KCNC2: variants seen among roughly 807,000 people sequenced by gnomAD.
KCNC2 encodes voltage-gated potassium channel KCNC2.
A neutral mutation model predicts 44.5 loss-of-function variants in KCNC2; 21 were observed. The observed-to-expected ratio is 0.47, with a 90% CI of 0.33 to 0.68. The LOEUF (loss-of-function observed/expected upper bound fraction) is 0.68. KCNC2 is among the 30% of genes least tolerant of loss of function. The pLI is 0.01. For synonymous variants in KCNC2, 391 were observed against 339.1 expected (o/e 1.15, Z -1.68); for missense variants, 589 against 826.2 (o/e 0.71, Z 3.52).
At chr12:75,190,917 T>A (rs1395904876) in intron 2 of KCNC2, among the ~76,000 whole-genome samples, 2 of 151,958 alleles carry the variant, frequency 1.3e-5, no homozygotes, top group East Asian at 3.9e-4. Flanking sequence ...ATAAACTGAA[T>A]TATCATTTAT....
chr12:75,068,292 G>T (rs1883037236), intron 2 of KCNC2, among the ~76,000 whole-genome samples: 1 of 152,166 alleles, frequency 6.6e-6, no homozygotes, highest in Non-Finnish European at 1.5e-5. Context: ...GACAAAATCG[G>T]TCTATGTTTT....
intron 2 of KCNC2, among the ~76,000 whole-genome samples, chr12:75,193,584 T>C (rs2030498459): frequency 6.6e-6 from 1 of 152,140 alleles, no homozygotes; most frequent in East Asian, 1.9e-4. Flanking sequence ...ATTAGGTATG[T>C]TGGTGTGATA....
At chr12:75,160,682 A>C (rs1891065103) in intron 2 of KCNC2, among the ~76,000 whole-genome samples, 1 of 151,798 alleles carries the variant, frequency 6.6e-6, no homozygotes, top group Non-Finnish European at 1.5e-5. Context: ...TTCTGGTAAC[A>C]ATGTTGTGGA....
At chr12:75,128,260 AC>A (rs1449269786) in intron 2 of KCNC2, among the ~76,000 whole-genome samples, 4 of 152,214 alleles carry the variant, frequency 2.6e-5, no homozygotes, top group African/African-American at 9.6e-5. Flanking sequence ...GGCCAGCCTC[AC>A]ATCCCCATAT....
chr12:75,084,290 T>TAGATGATAGATAGATA (rs200893949), intron 2 of KCNC2, among the ~76,000 whole-genome samples: 7,052 of 123,502 alleles, frequency 0.057, 266 homozygotes, highest in Non-Finnish European at 0.074. Flanking sequence ...GATAGATAGA[T>TAGATGATAGATAGATA]GATAGATAGA....
chr12:75,187,510 CACTT>C (rs1259892451), intron 2 of KCNC2, among the ~76,000 whole-genome samples: 6 of 152,168 alleles, frequency 3.9e-5, no homozygotes, highest in Non-Finnish European at 8.8e-5. Context: ...GCTTGTTCCT[CACTT>C]ACTGAATTAT....
intron 2 of KCNC2, among the ~76,000 whole-genome samples, chr12:75,133,919 GAA>G (rs141911150): frequency 1.3e-5 from 2 of 151,516 alleles, no homozygotes; most frequent in Non-Finnish European, 3.0e-5. Context: ...AAAGATACAC[GAA>G]AAAAAGATGA....
At chr12:75,043,681 T>C (rs902165185) in intron 4 of KCNC2, 4 of 1,360,558 alleles carry the variant, frequency 2.9e-6, no homozygotes, top group African/African-American at 1.5e-5. Context: ...AAAGCATACT[T>C]AAGTTTAAAT....
intron 2 of KCNC2, among the ~76,000 whole-genome samples, chr12:75,064,933 T>A (rs1882681035): frequency 6.6e-6 from 1 of 152,046 alleles, no homozygotes; most frequent in African/African-American, 2.4e-5. Flanking sequence ...ACATATACAT[T>A]CTACTACATA....
At chr12:75,080,781 G>T (rs184944798) in intron 2 of KCNC2, among the ~76,000 whole-genome samples, 7 of 151,750 alleles carry the variant, frequency 4.6e-5, no homozygotes, top group Non-Finnish European at 8.8e-5. Context: ...CTCCCCCTCC[G>T]CCCACCACAC....
intron 2 of KCNC2, among the ~76,000 whole-genome samples, chr12:75,083,868 A>T (rs1199283952): frequency 6.6e-6 from 1 of 151,962 alleles, no homozygotes; most frequent in Admixed American, 6.6e-5. Flanking sequence ...AATTAGTAAA[A>T]ACTCATAAAT....
intron 2 of KCNC2, among the ~76,000 whole-genome samples, chr12:75,081,496 C>T (rs1465768846): frequency 6.7e-6 from 1 of 150,356 alleles, no homozygotes; most frequent in East Asian, 2.0e-4. Context: ...ATCTGAGGCT[C>T]ACTTGACCAA....
chr12:75,048,335 C>T lies in KCNC2; in HGVS notation c.1616-18G>A. 14 of 1,589,728 alleles carry T rather than the reference C, an allele frequency of 8.8e-6. No homozygotes were observed. The highest frequency in any genetic ancestry group is 1.1e-5 in the Non-Finnish European group (13 of 1,169,606). ...TGATAACACTGGTCACAGCACCATG[C>T]CCATTGACAGACAGTGATGAATGAG... On this transcript the variant is annotated intron_variant, in intron 3 of 4. Coordinates refer to ENST00000549446, the MANE Select transcript of KCNC2 (RefSeq NM_139137.4).
chr12:75,044,594 G>T (rs1417907777), intron 4 of KCNC2: 1 of 151,892 alleles, frequency 6.6e-6, no homozygotes, highest in Non-Finnish European at 1.5e-5. Context: ...TGTATGAGAG[G>T]CCAAGACAGA....
At chr12:75,142,771 G>A (rs143203661) in intron 2 of KCNC2, among the ~76,000 whole-genome samples, 2 of 152,136 alleles carry the variant, frequency 1.3e-5, no homozygotes, top group African/African-American at 4.8e-5. Flanking sequence ...GATCCAAAAA[G>A]CAGCATCCCA....
At chr12:75,180,811 T>G (rs1291933291) in intron 2 of KCNC2, among the ~76,000 whole-genome samples, 1 of 152,052 alleles carries the variant, frequency 6.6e-6, no homozygotes, top group Non-Finnish European at 1.5e-5. Flanking sequence ...AAGTTATCCT[T>G]CTTTGATATT....
intron 2 of KCNC2, among the ~76,000 whole-genome samples, chr12:75,176,204 TC>T (rs1389249183): frequency 6.6e-6 from 1 of 152,018 alleles, no homozygotes; most frequent in Non-Finnish European, 1.5e-5. Flanking sequence ...TATGGTTCCA[TC>T]CTGGTATATA....
chr12:75,065,107 T>C (rs950574192), intron 2 of KCNC2, among the ~76,000 whole-genome samples: 3 of 152,080 alleles, frequency 2.0e-5, no homozygotes, highest in African/African-American at 7.2e-5. Flanking sequence ...TGATGGTCCA[T>C]AATCTTTATT....
chr12:75,150,321 T>C (rs990605292), intron 2 of KCNC2, among the ~76,000 whole-genome samples: 2 of 151,914 alleles, frequency 1.3e-5, no homozygotes, highest in African/African-American at 4.8e-5. Context: ...TCAATAATAG[T>C]AAGCTTATAG....
Sources: gnomAD v4.1 joint callset for allele counts (sites outside exome capture counted in the v4.1 genomes callset) on GRCh38, gnomAD v4.1.1 for gene constraint, MANE v1.5 for transcripts, NCBI Gene and HGNC (gene_info 2026-07-23, HGNC 2026-07-21) for gene names.